Variants in SLMAP observed in about 807,000 individuals in gnomAD.
SLMAP encodes sarcolemmal membrane-associated protein.
Under a neutral mutation model 128.8 loss-of-function variants are expected in SLMAP, and 44 were observed. The observed-to-expected ratio is 0.34, with a 90% CI of 0.27 to 0.44. The LOEUF (loss-of-function observed/expected upper bound fraction) is 0.44. Ranked by LOEUF, SLMAP falls within the 20% of genes least tolerant of loss-of-function variation. The probability of loss-of-function intolerance (pLI) is 1.00; values close to 1 mark genes in which losing one functional copy is unlikely to be tolerated. For synonymous variants in SLMAP, 327 were observed against 348.8 expected (o/e 0.94, Z 0.70); for missense variants, 787 against 985.3 (o/e 0.80, Z 2.69).
intron 4 of SLMAP, among the ~76,000 whole-genome samples, chr3:57,845,847 CT>C (rs112434522): frequency 8.9e-4 from 129 of 145,630 alleles, no homozygotes; most frequent in Non-Finnish European, 9.9e-4. Flanking sequence ...TCCCCCCCAC[CT>C]TTTTTTTTTT....
intron 13 of SLMAP, among the ~76,000 whole-genome samples, chr3:57,870,176 C>T (rs1034381898): frequency 6.6e-6 from 1 of 151,970 alleles, no homozygotes; most frequent in African/African-American, 2.4e-5. Context: ...GTTAAAATAT[C>T]ATTCCAAATG....
In SLMAP at chr3:57,847,359, G is replaced by A. The variant is rs185506599; in HGVS notation, c.456+126G>A. On this transcript the variant is annotated intron_variant, in intron 5 of 24. Coordinates refer to ENST00000671191, the MANE Select transcript of SLMAP (RefSeq NM_001377540.1). ...TAACAAAATATGTAGAATGCATATA[G>A]CTATATAGTTATTATAATCTTCTGA... 8.4e-4 allele frequency: 511 copies of A among 607,882 alleles called. 4 individuals are homozygous for A. Among genetic ancestry groups the A allele is most frequent in the Middle Eastern group, 2.9e-3 (7 of 2,380 alleles). 37.7% of individuals were successfully genotyped at this position (607,882 alleles called of 1,614,324 possible). A position where few individuals can be genotyped will look rare whatever the true frequency, so the allele number is the denominator to read the frequency against.
chr3:57,842,168 T>C (rs1459014479), intron 4 of SLMAP, among the ~76,000 whole-genome samples: 1 of 152,110 alleles, frequency 6.6e-6, no homozygotes, highest in East Asian at 1.9e-4. Flanking sequence ...GAGCATTGAA[T>C]AGGAAAGTGA....
At chr3:57,876,242 T>G (rs1043132639) in intron 14 of SLMAP, among the ~76,000 whole-genome samples, 2 of 152,236 alleles carry the variant, frequency 1.3e-5, no homozygotes, top group African/African-American at 4.8e-5. Flanking sequence ...TGTATGAATC[T>G]ATAAGAGAAC....
intron 22 of SLMAP, chr3:57,918,201 A>G (rs2096850578): frequency 6.6e-6 from 1 of 152,210 alleles, no homozygotes; most frequent in Non-Finnish European, 1.5e-5. Flanking sequence ...GCCAAAGTAA[A>G]TATCTTAGTA....
In SLMAP at chr3:57,847,208, C is replaced by T; in HGVS notation, c.431C>T (p.Ala144Val). Residue 144 changes from alanine (A) to valine (V), a missense_variant, in exon 5 of 25, where the codon GCA becomes GTA. Ala to Val is a moderately conservative substitution (Grantham distance 64, BLOSUM62 0). Transcript: ENST00000671191. ...EARLRSDVIHAPLPSPVDKVA... is the reference protein window; with the variant it reads ...EARLRSDVIHVPLPSPVDKVA... ...ATTTTACTTTTCAGTGTCATCCATGCACCATTACCAAGTCCTGTTGACAAA... is the reference window on the plus strand; with the variant it reads ...ATTTTACTTTTCAGTGTCATCCATGTACCATTACCAAGTCCTGTTGACAAA... The T allele has an allele frequency of 1.0e-5, 16 of 1,605,426 alleles. No homozygotes were observed. The highest frequency in any genetic ancestry group is 1.4e-5 in the Non-Finnish European group (16 of 1,174,500).
rs111360482 is a variant in SLMAP at position 57,826,846 on chromosome 3, A to G, written c.199-4537A>G. ...TTTGGTGTTGTCCTCAAGTCCCCCAAATGCCCCCTTTGTTTCCTTACGTAT... is the reference window on the plus strand; with the variant it reads ...TTTGGTGTTGTCCTCAAGTCCCCCAGATGCCCCCTTTGTTTCCTTACGTAT... On this transcript the variant is annotated intron_variant, in intron 2 of 24. Transcript: ENST00000671191. Among the ~76,000 whole-genome samples the G allele has an allele frequency of 3.3e-3, 495 of 152,102 alleles. 3 individuals carry two copies. Among genetic ancestry groups the G allele is most frequent in the African/African-American group, 0.011 (473 of 41,508 alleles).
At chr3:57,767,822 G>A (rs2080051880) in intron 2 of SLMAP, among the ~76,000 whole-genome samples, 1 of 152,030 alleles carries the variant, frequency 6.6e-6, no homozygotes, top group African/African-American at 2.4e-5. Context: ...GTCTTCTTAG[G>A]GACTGAGCAA....
At chr3:57,890,201 T>C (rs895861580) in intron 15 of SLMAP, 101 bp downstream of exon 15, 3 of 1,084,258 alleles carry the variant, frequency 2.8e-6, no homozygotes, top group African/African-American at 1.6e-5. Flanking sequence ...AGTTTACTTC[T>C]TATAGCTCAC....
intron 2 of SLMAP, among the ~76,000 whole-genome samples, chr3:57,816,000 T>C (rs75555801): frequency 1.3e-5 from 2 of 152,308 alleles, no homozygotes; most frequent in East Asian, 3.9e-4. Context: ...ACAACAAACA[T>C]TCTGAGGTAG....
intron 22 of SLMAP, chr3:57,917,296 A>G: frequency 8.2e-7 from 1 of 1,214,294 alleles, no homozygotes. Context: ...ATAATATACA[A>G]AACTACATTT....
chr3:57,841,040 C>G (rs570008782), intron 3 of SLMAP, among the ~76,000 whole-genome samples: 9 of 152,248 alleles, frequency 5.9e-5, no homozygotes, highest in Non-Finnish European at 7.4e-5. Context: ...ATTCAACTGA[C>G]TTTTTATTGA....
chr3:57,837,262 A>G (rs922160621), intron 3 of SLMAP, among the ~76,000 whole-genome samples: 2 of 152,194 alleles, frequency 1.3e-5, no homozygotes, highest in Non-Finnish European at 2.9e-5. Flanking sequence ...CTGTGCAACT[A>G]TAGGAAGTGT....
chr3:57,757,934 G>A, intron 2 of SLMAP, 85 bp downstream of exon 2: 1 of 1,195,376 alleles, frequency 8.4e-7, no homozygotes, highest in Non-Finnish European at 1.2e-6. Flanking sequence ...ATGTATGCAG[G>A]ATCCCAGGGT....
intron 5 of SLMAP, among the ~76,000 whole-genome samples, chr3:57,849,084 A>G (rs965515050): frequency 6.8e-6 from 1 of 146,070 alleles, no homozygotes. Context: ...ACGGGGTTTC[A>G]CCATGTTGGC....
rs1055942259 is a variant in SLMAP, at chr3:57,847,199, T to C, written c.422T>C (p.Val141Ala). ...AACTTCTAAATTTTACTTTTCAGTG[T>C]CATCCATGCACCATTACCAAGTCCT... ...DGMEARLRSD[V>A]IHAPLPSPVD... is the part of the protein sequence containing the mutation. The change falls in exon 5 of 25, where the codon GTC becomes GCC. Residue 141 changes from valine (V) to alanine (A), a missense_variant and splice_region_variant. Val to Ala is a moderately conservative substitution (Grantham distance 64). Transcript: ENST00000671191. The C allele has an allele frequency of 6.3e-7, 1 of 1,599,206 alleles. No homozygotes were observed.
intron 8 of SLMAP, among the ~76,000 whole-genome samples, chr3:57,860,349 G>T (rs2094989409): frequency 6.6e-6 from 1 of 152,136 alleles, no homozygotes; most frequent in Non-Finnish European, 1.5e-5. Flanking sequence ...GTTTCAGAAT[G>T]CTTGGTGCCT....
chr3:57,858,149 C>T lies in SLMAP; in HGVS notation c.677C>T (p.Ala226Val), dbSNP rs755972793. 1 of 1,585,716 alleles carries T rather than the reference C, an allele frequency of 6.3e-7. No homozygotes were observed. Among genetic ancestry groups the T allele is most frequent in the East Asian group, 2.2e-5 (1 of 44,626 alleles). The stretch of plus-strand genomic sequence containing the variant: ...GAAGTTATGGGAAACCAATTACAGG[C>T]ATGCTCCAAAGTAGGTATTAACCTC... ...RLEVMGNQLQ[A>V]CSKNQTEDSL... is the part of the protein sequence containing the mutation. The change falls in exon 8 of 25, where the codon GCA becomes GTA. Residue 226 changes from alanine (A) to valine (V), a missense_variant. Coordinates refer to ENST00000671191, the MANE Select transcript of SLMAP (RefSeq NM_001377540.1).
chr3:57,832,672 G>A (rs1229145919), intron 3 of SLMAP, among the ~76,000 whole-genome samples: 1 of 152,224 alleles, frequency 6.6e-6, no homozygotes, highest in South Asian at 2.1e-4. Context: ...GGTGATGGTG[G>A]TGATGATGAT....
Sources: gnomAD v4.1 joint callset for allele counts (sites outside exome capture counted in the v4.1 genomes callset) on GRCh38, gnomAD v4.1.1 for gene constraint, MANE v1.5 for transcripts, NCBI Gene and HGNC (gene_info 2026-07-23, HGNC 2026-07-21) for gene names.